The following HTR2C variants were observed in gnomAD, a reference collection of about 807,000 sequenced individuals.
HTR2C encodes the protein 5-hydroxytryptamine (serotonin) receptor 2C, G protein-coupled.
Under a neutral mutation model 21.0 loss-of-function variants are expected in HTR2C, and 5 were observed. The ratio of observed to expected loss-of-function variants is 0.24; its 90% confidence interval spans 0.12 to 0.50. HTR2C has a LOEUF of 0.50. Ranked by LOEUF, HTR2C falls within the 20% of genes least tolerant of loss-of-function variation. The pLI is 0.98. For missense variants in HTR2C, 271 were observed against 371.2 expected (o/e 0.73, Z 2.22); for synonymous variants, 150 against 145.3 (o/e 1.03, Z -0.23).
chrX:114,878,790 C>T lies in HTR2C; in HGVS notation c.551-27799C>T, dbSNP rs2071158287. ...CACTTGAAAATATGGGGGCTATTTC[C>T]AGAATCTTTTGTTATTAATTTCCGA... On this transcript the variant is annotated intron_variant, in intron 5 of 5. Transcript: ENST00000276198. 1.8e-5 allele frequency among the ~76,000 whole-genome samples: 2 copies of T among 110,392 alleles called. 1 individual carries two copies. The highest frequency in any genetic ancestry group is 7.5e-4 in the South Asian group (2 of 2,660).
At chrX:114,780,290 A>G (rs1027092689) in intron 4 of HTR2C, among the ~76,000 whole-genome samples, 2 of 111,601 alleles carry the variant, frequency 1.8e-5, no homozygotes, top group Admixed American at 1.9e-4. Context: ...ATAGGTATGT[A>G]TGCATGTATG....
chrX:114,719,232 T>C (rs963702110), intron 2 of HTR2C, among the ~76,000 whole-genome samples: 1 of 109,719 alleles, frequency 9.1e-6, no homozygotes, highest in African/African-American at 3.3e-5. Context: ...TAAGCATTCT[T>C]TTGTGTTCAT....
chrX:114,890,184 G>T (rs982284780), intron 5 of HTR2C, among the ~76,000 whole-genome samples: 24 of 111,564 alleles, frequency 2.2e-4, no homozygotes, highest in African/African-American at 7.2e-4. Flanking sequence ...AATATGGTAT[G>T]CTTCTATAAC....
intron 2 of HTR2C, among the ~76,000 whole-genome samples, chrX:114,687,485 T>C (rs1273175589): frequency 1.8e-5 from 2 of 111,965 alleles, no homozygotes; most frequent in African/African-American, 6.5e-5. Context: ...TGTAATTCTT[T>C]TATCAAAGAA....
chrX:114,841,756 T>G (rs1418709312), intron 4 of HTR2C, among the ~76,000 whole-genome samples: 1 of 109,388 alleles, frequency 9.1e-6, no homozygotes, highest in Non-Finnish European at 1.9e-5. Context: ...AAAAAAAAAA[T>G]TTTACTTGAA....
chrX:114,607,658 C>T (rs1358711346), intron 1 of HTR2C, among the ~76,000 whole-genome samples: 1 of 110,987 alleles, frequency 9.0e-6, no homozygotes, highest in Non-Finnish European at 1.9e-5. Context: ...ATACATTTTT[C>T]ATACACATGC....
intron 5 of HTR2C, among the ~76,000 whole-genome samples, chrX:114,891,331 GTTTC>G (rs2071257552): frequency 9.1e-6 from 1 of 109,916 alleles, no homozygotes; most frequent in Non-Finnish European, 1.9e-5. Flanking sequence ...CCCACTTTCT[GTTTC>G]TTTGTCAACT....
At chrX:114,782,331 T>C (rs781940117) in intron 4 of HTR2C, among the ~76,000 whole-genome samples, 3 of 111,207 alleles carry the variant, frequency 2.7e-5, no homozygotes, top group Non-Finnish European at 5.7e-5. Flanking sequence ...TGAATCTAGA[T>C]AGAAGGTCTG....
At chrX:114,854,418 T>C (rs1468388995) in intron 5 of HTR2C, among the ~76,000 whole-genome samples, 1 of 111,566 alleles carries the variant, frequency 9.0e-6, no homozygotes, top group Non-Finnish European at 1.9e-5. Flanking sequence ...TTTTCTTTTT[T>C]TGACTTTTAT....
intron 4 of HTR2C, among the ~76,000 whole-genome samples, chrX:114,743,128 A>G (rs900190602): frequency 8.4e-5 from 7 of 83,538 alleles, no homozygotes; most frequent in Non-Finnish European, 1.6e-4. Context: ...CCAGTCTATC[A>G]TTGTTGGACA....
At chrX:114,849,786 G>T (rs2070901614) in intron 5 of HTR2C, among the ~76,000 whole-genome samples, 1 of 111,573 alleles carries the variant, frequency 9.0e-6, no homozygotes, top group African/African-American at 3.3e-5. Context: ...CAATTTTGGG[G>T]CATAAACAAA....
chrX:114,649,870 C>A (rs782487195), intron 2 of HTR2C, among the ~76,000 whole-genome samples: 2 of 111,497 alleles, frequency 1.8e-5, no homozygotes, highest in East Asian at 5.7e-4. Flanking sequence ...CTGCCTTGGC[C>A]TCCGAAAGTG....
intron 2 of HTR2C, among the ~76,000 whole-genome samples, chrX:114,690,667 T>C (rs1556414993): frequency 9.0e-6 from 1 of 111,648 alleles, no homozygotes; most frequent in Non-Finnish European, 1.9e-5. Context: ...AAATCATTGA[T>C]TCTGGGATAA....
intron 4 of HTR2C, among the ~76,000 whole-genome samples, chrX:114,840,767 G>A (rs782612138): frequency 2.8e-4 from 31 of 111,437 alleles, no homozygotes; most frequent in Non-Finnish European, 5.5e-4. Context: ...CATATAGATT[G>A]AAGCAGCACC....
At chrX:114,775,145 G>C in intron 4 of HTR2C, 1 of 523,679 alleles carries the variant, frequency 1.9e-6, no homozygotes, top group Non-Finnish European at 3.5e-6. Flanking sequence ...TAGGACTCAA[G>C]TGAATTCTTG....
intron 5 of HTR2C, among the ~76,000 whole-genome samples, chrX:114,894,511 A>T (rs1007503443): frequency 3.6e-5 from 4 of 110,438 alleles, no homozygotes; most frequent in Non-Finnish European, 5.7e-5. Context: ...TTTACTAGAT[A>T]AGAAGATAAG....
chrX:114,650,245 A>G (rs1322374406), intron 2 of HTR2C, among the ~76,000 whole-genome samples: 2 of 111,971 alleles, frequency 1.8e-5, no homozygotes, highest in African/African-American at 6.5e-5. Flanking sequence ...AGATGGTAAA[A>G]GAGGCCCCAG....
intron 2 of HTR2C, among the ~76,000 whole-genome samples, chrX:114,638,815 G>A (rs1221986917): frequency 1.9e-5 from 2 of 105,538 alleles, no homozygotes; most frequent in Non-Finnish European, 3.9e-5. Context: ...TGAGAATGAT[G>A]ATTTCCAATT....
intron 4 of HTR2C, among the ~76,000 whole-genome samples, chrX:114,837,940 C>A (rs1162760774): frequency 9.0e-6 from 1 of 111,168 alleles, no homozygotes; most frequent in Non-Finnish European, 1.9e-5. Flanking sequence ...AGGGCACTGC[C>A]TTTATCCCTT....
Sources: gnomAD v4.1 joint callset for allele counts (sites outside exome capture counted in the v4.1 genomes callset) on GRCh38, gnomAD v4.1.1 for gene constraint, MANE v1.5 for transcripts, NCBI Gene and HGNC (gene_info 2026-07-23, HGNC 2026-07-21) for gene names.